The following CDCA7L variants were observed in gnomAD, a reference collection of about 807,000 sequenced individuals.
CDCA7L encodes the protein cell division cycle associated 7 like.
CDCA7L carries 44 observed loss-of-function variants against 57.4 expected under a neutral mutation model. The ratio of observed to expected loss-of-function variants is 0.77; its 90% CI spans 0.60 to 0.98. The LOEUF (loss-of-function observed/expected upper bound fraction) is 0.98, where lower values mean the gene tolerates loss of function less well. Ranked by LOEUF, CDCA7L falls within the 50% of genes least tolerant of loss-of-function variation. CDCA7L has a pLI of 0.00. For missense variants in CDCA7L, 644 were observed against 580.6 expected (o/e 1.11, Z -1.12); for synonymous variants, 236 against 202.8 (o/e 1.16, Z -1.39).
chr7:21,938,268 A>T (rs1221637805), intron 1 of CDCA7L, among the ~76,000 whole-genome samples: 1 of 152,232 alleles, frequency 6.6e-6, no homozygotes, highest in Non-Finnish European at 1.5e-5. Flanking sequence ...AAGAAGAGGT[A>T]CAGGTGACCA....
At position 21,901,389 on chromosome 7, in the gene CDCA7L, A is replaced by AGAGTGAAAG. The variant is rs557459411; in HGVS notation, c.*924_*932dup. 618 of 1,257,020 alleles carry AGAGTGAAAG rather than the reference A, an allele frequency of 4.9e-4. 3 individuals are homozygous for AGAGTGAAAG. In the African/African-American group the frequency reaches 7.9e-3, roughly 16 times the overall value. The allele number at this position is 1,257,020 out of a possible 1,614,324, so 77.9% of individuals were successfully genotyped here. On this transcript the variant is annotated 3_prime_UTR_variant, in exon 10 of 10. Coordinates refer to ENST00000406877, the MANE Select transcript of CDCA7L (RefSeq NM_018719.5). The stretch of plus-strand genomic sequence containing the variant: ...GCATTCTTTTTTCAACGCTATCCTT[A>AGAGTGAAAG]GAGTGAAAGTCAGAAAAAAATACTA...
At chr7:21,902,458 GATCTCCTGACACTC>G in intron 9 of CDCA7L, 106 bp from the exon 10 acceptor site, 1 of 1,083,460 alleles carries the variant, frequency 9.2e-7, no homozygotes, top group Non-Finnish European at 1.4e-6. Context: ...CCAGAACCCA[GATCTCCTGACACTC>G]GAAATCCTGA....
chr7:21,945,841 G>GGCCACGGGAGCCCGGACTC lies in CDCA7L; in HGVS notation c.-56_-38dup, dbSNP rs1786508819. ...GGGCTCCAGTCTCCTCCCAGCACGC[G>GGCCACGGGAGCCCGGACTC]GCCACGGGAGCCCGGACTCACCACG... On this transcript the variant is annotated 5_prime_UTR_variant, in exon 1 of 10. Transcript: ENST00000406877. 6.3e-7 allele frequency: 1 copy of GGCCACGGGAGCCCGGACTC among 1,589,798 alleles called. No homozygotes were observed.
rs763245800 is a variant in CDCA7L at position 21,927,850 on chromosome 7, G to A, written c.25-10956C>T. On this transcript the variant is annotated intron_variant, in intron 1 of 9. Coordinates refer to ENST00000406877, the MANE Select transcript of CDCA7L (RefSeq NM_018719.5). ...TACAGATAAAACCCCCATCTCCCTG[G>A]GACAGAGCACCTGGGAAAGGCGTGG... Among the ~76,000 whole-genome samples the A allele has an allele frequency of 2.4e-4, 37 of 152,212 alleles. 1 individual carries two copies. The highest frequency in any genetic ancestry group is 8.8e-5 in the Non-Finnish European group (6 of 68,046).
chr7:21,920,169 A>G (rs910287501), intron 1 of CDCA7L, among the ~76,000 whole-genome samples: 2 of 152,208 alleles, frequency 1.3e-5, no homozygotes, highest in African/African-American at 4.8e-5. Context: ...ATCAGTGCAA[A>G]TATCAACACA....
chr7:21,923,198 G>C (rs759451704), intron 1 of CDCA7L, among the ~76,000 whole-genome samples: 2 of 152,126 alleles, frequency 1.3e-5, no homozygotes, highest in Non-Finnish European at 2.9e-5. Context: ...AGACAAGAAA[G>C]ACAATTTAAG....
intron 3 of CDCA7L, among the ~76,000 whole-genome samples, chr7:21,910,738 A>G (rs114081130): frequency 2.6e-5 from 4 of 152,326 alleles, no homozygotes; most frequent in African/African-American, 9.6e-5. Flanking sequence ...AAACAAACAA[A>G]TAACTAACAA....
At chr7:21,920,235 C>A (rs770385290) in intron 1 of CDCA7L, among the ~76,000 whole-genome samples, 3 of 152,184 alleles carry the variant, frequency 2.0e-5, no homozygotes, top group Non-Finnish European at 2.9e-5. Flanking sequence ...CCCTCATGGA[C>A]CCGTGAAAGG....
In CDCA7L at chr7:21,906,645, G is replaced by T. The variant is rs772749082; in HGVS notation, c.682-6C>A. On this transcript the variant is annotated splice_region_variant and splice_polypyrimidine_tract_variant and intron_variant, in intron 4 of 9. Transcript: ENST00000406877. ...TCCGCCAATAACTGGGCAAGCTGAA[G>T]TTCAGAACAAAAGAAAGAATCTTAC... The T allele has an allele frequency of 6.2e-7, 1 of 1,613,662 alleles. No individual in the cohort carries two copies. Among genetic ancestry groups the T allele is most frequent in the South Asian group, 1.1e-5 (1 of 91,052 alleles).
chr7:21,939,194 G>T (rs141819017), intron 1 of CDCA7L, among the ~76,000 whole-genome samples: 2 of 152,162 alleles, frequency 1.3e-5, no homozygotes, highest in African/African-American at 4.8e-5. Flanking sequence ...AGGGGCTGGA[G>T]GAAGAGGTCA....
In CDCA7L at chr7:21,911,758, A is replaced by C. The variant is rs1389684293; in HGVS notation, c.166-4T>G. 1 of 1,610,858 alleles carries C rather than the reference A, an allele frequency of 6.2e-7. No individual in the cohort carries two copies. Among genetic ancestry groups the C allele is most frequent in the Non-Finnish European group, 8.5e-7 (1 of 1,179,146 alleles). ...TGGAATGAAAGCGCACATCCTGCTAAATTAAAGACACACATACATCAGAGA... is the reference window on the plus strand; with the variant it reads ...TGGAATGAAAGCGCACATCCTGCTACATTAAAGACACACATACATCAGAGA... On this transcript the variant is annotated splice_region_variant and splice_polypyrimidine_tract_variant and intron_variant, in intron 2 of 9. Transcript: ENST00000406877.
intron 1 of CDCA7L, among the ~76,000 whole-genome samples, chr7:21,942,594 T>C (rs1411166969): frequency 1.3e-5 from 2 of 152,254 alleles, no homozygotes; most frequent in Non-Finnish European, 2.9e-5. Flanking sequence ...GCTTATTCTA[T>C]TCCAATGATG....
chr7:21,907,882 C>T (rs776778161), intron 4 of CDCA7L, among the ~76,000 whole-genome samples: 3 of 152,204 alleles, frequency 2.0e-5, no homozygotes, highest in Non-Finnish European at 2.9e-5. Flanking sequence ...CAGTAAGCAG[C>T]ATTATGGCAC....
chr7:21,903,211 C>T (rs758360570), intron 8 of CDCA7L, 97 bp from the exon 9 acceptor site: 6 of 1,196,524 alleles, frequency 5.0e-6, no homozygotes, highest in Non-Finnish European at 7.0e-6. Flanking sequence ...GCCTCTCCTC[C>T]AACCTTTAAT....
At chr7:21,905,441 C>G in intron 7 of CDCA7L, 65 bp downstream of exon 7, 2 of 1,559,630 alleles carry the variant, frequency 1.3e-6, no homozygotes, top group Non-Finnish European at 1.8e-6. Context: ...AGTTTAAAAA[C>G]AAGTGAGATT....
Position 21,902,160 on chromosome 7 carries a change from TCTTTGTAAGCATA to T in CDCA7L, c.*149_*161del. The T allele has an allele frequency of 7.1e-6, 5 of 701,798 alleles. No homozygotes were observed. Among genetic ancestry groups the T allele is most frequent in the South Asian group, 3.5e-5 (2 of 56,370 alleles). The allele number at this position is 701,798 out of a possible 1,614,324, so 43.5% of individuals were successfully genotyped here. ...TCTGCTCTGCTGTCTTCCTGAGAAA[TCTTTGTAAGCATA>T]TAAACAATCTTTAACAAAAAATAGT... On this transcript the variant is annotated 3_prime_UTR_variant, in exon 10 of 10. Coordinates refer to ENST00000406877, the MANE Select transcript of CDCA7L (RefSeq NM_018719.5).
In CDCA7L at chr7:21,905,494, T is replaced by C. The variant is rs747122972; in HGVS notation, c.1047+12A>G. 3 of 1,613,050 alleles carry C rather than the reference T, an allele frequency of 1.9e-6. No individual in the cohort carries two copies. The highest frequency in any genetic ancestry group is 4.5e-5 in the East Asian group (2 of 44,868). On this transcript the variant is annotated intron_variant, in intron 7 of 9. Transcript: ENST00000406877. ...GACTCCCAATAAGAATGACAATTAA[T>C]GTATACTTTACCAGAACTTTATCAT... is the stretch of plus-strand genomic sequence containing the variant.
intron 1 of CDCA7L, among the ~76,000 whole-genome samples, chr7:21,922,070 G>C (rs753744798): frequency 6.6e-6 from 1 of 152,094 alleles, no homozygotes; most frequent in East Asian, 1.9e-4. Flanking sequence ...TGACTTTGTA[G>C]CCATTTTCTT....
intron 6 of CDCA7L, among the ~76,000 whole-genome samples, 153 bp downstream of exon 6, chr7:21,906,136 T>C (rs1323964498): frequency 6.6e-6 from 1 of 152,130 alleles, no homozygotes; most frequent in African/African-American, 2.4e-5. Context: ...TCAGGAGCAA[T>C]GGCATCACCT....
Sources: allele counts gnomAD v4.1 joint callset (sites outside exome capture counted in the v4.1 genomes callset), GRCh38; gene constraint gnomAD v4.1.1; transcripts MANE v1.5; gene names NCBI Gene and HGNC (gene_info 2026-07-23, HGNC 2026-07-21).